TBC1D19: variants seen among roughly 807,000 people sequenced by gnomAD.
The protein encoded by TBC1D19 is TBC1 domain family member 19.
In TBC1D19, 60 loss-of-function variants were observed where a neutral mutation model predicts 89.0. The observed-to-expected ratio is 0.67, with a 90% CI of 0.55 to 0.84. TBC1D19 has a LOEUF of 0.84. TBC1D19 is among the 40% of genes least tolerant of loss of function. TBC1D19 has a pLI of 0.00. For missense variants in TBC1D19, 500 were observed against 610.8 expected, an observed-to-expected ratio of 0.82 and a Z score of 1.91; for synonymous variants, 189 against 199.7, an observed-to-expected ratio of 0.95 and a Z score of 0.45.
intron 15 of TBC1D19, among the ~76,000 whole-genome samples, chr4:26,730,149 T>TA (rs1717565710): frequency 6.6e-6 from 1 of 152,030 alleles, no homozygotes; most frequent in South Asian, 2.1e-4. Flanking sequence ...AATAAAAGGT[T>TA]AAAAAATGAT....
At chr4:26,617,219 C>G (rs958113834) in intron 3 of TBC1D19, among the ~76,000 whole-genome samples, 12 of 152,178 alleles carry the variant, frequency 7.9e-5, no homozygotes, top group Non-Finnish European at 1.2e-4. Context: ...TTAACCCACC[C>G]TTTTATAATG....
the TBC1D19 span, among the ~76,000 whole-genome samples, chr4:26,828,021 A>T: frequency 2.0e-5 from 3 of 152,164 alleles, no homozygotes; most frequent in Admixed American, 6.5e-5. Flanking sequence ...TAAAGGGTAG[A>T]TGGAAACTGT....
At chr4:26,810,302 G>A in the TBC1D19 span, among the ~76,000 whole-genome samples, 4 of 152,246 alleles carry the variant, frequency 2.6e-5, no homozygotes, top group East Asian at 7.7e-4. Flanking sequence ...ACTTGCACTC[G>A]AATCTTTGTC....
the TBC1D19 span, among the ~76,000 whole-genome samples, chr4:26,817,323 T>G: frequency 6.6e-6 from 1 of 152,102 alleles, no homozygotes; most frequent in South Asian, 2.1e-4. Context: ...AGCTCATACT[T>G]TTACACAGCT....
intron 4 of TBC1D19, among the ~76,000 whole-genome samples, chr4:26,623,160 T>C (rs894772811): frequency 4.6e-5 from 7 of 152,172 alleles, no homozygotes; most frequent in Non-Finnish European, 8.8e-5. Context: ...TGTTCTTCCT[T>C]ACGTTTCATA....
chr4:26,604,148 C>CTTTTTTTT (rs1173641270), intron 1 of TBC1D19, among the ~76,000 whole-genome samples: 27 of 120,724 alleles, frequency 2.2e-4, no homozygotes, highest in African/African-American at 6.2e-4. Flanking sequence ...TTTTCTTTTT[C>CTTTTTTTT]TTTTTTTTTT....
chr4:26,771,141 G>A, the TBC1D19 span, among the ~76,000 whole-genome samples: 1 of 151,598 alleles, frequency 6.6e-6, no homozygotes, highest in African/African-American at 2.4e-5. Flanking sequence ...AAACCACAAT[G>A]AGATGTCACC....
chr4:26,834,182 C>A, the TBC1D19 span, among the ~76,000 whole-genome samples: 4 of 152,164 alleles, frequency 2.6e-5, no homozygotes, highest in Non-Finnish European at 5.9e-5. Flanking sequence ...GAGGCCTCCC[C>A]AGCCATGCTT....
At chr4:26,834,526 A>G in the TBC1D19 span, among the ~76,000 whole-genome samples, 158 of 152,194 alleles carry the variant, frequency 1.0e-3, no homozygotes, top group East Asian at 0.029. Context: ...GACAATCGTC[A>G]ATCTGGGCTG....
At chr4:26,762,139 A>G in the TBC1D19 span, among the ~76,000 whole-genome samples, 1 of 152,100 alleles carries the variant, frequency 6.6e-6, no homozygotes. Context: ...CTGTCTCAAA[A>G]TAAATAAATA....
At chr4:26,579,578 G>T (rs1242216715), upstream of TBC1D19, among the ~76,000 whole-genome samples, 1 of 151,534 alleles carries the variant, frequency 6.6e-6, no homozygotes, top group African/African-American at 2.4e-5. Context: ...GTGCCATTGT[G>T]GTTTGCTGCA....
chr4:26,756,496 G>T (rs4234981), downstream of TBC1D19, among the ~76,000 whole-genome samples: 4 of 151,968 alleles, frequency 2.6e-5, no homozygotes, highest in South Asian at 2.1e-4. Context: ...GGGGAATTTT[G>T]GTCCTCCTGT....
intron 1 of TBC1D19, among the ~76,000 whole-genome samples, chr4:26,596,104 G>A (rs149338413): frequency 0.021 from 3,235 of 152,024 alleles, 110 homozygotes; most frequent in African/African-American, 0.073. Context: ...TTACAGGTGC[G>A]TGCTACCATG....
chr4:26,602,867 C>A (rs545044414), intron 1 of TBC1D19, among the ~76,000 whole-genome samples: 2 of 152,140 alleles, frequency 1.3e-5, no homozygotes, highest in Non-Finnish European at 2.9e-5. Flanking sequence ...CTTGAATACA[C>A]ATCTTTTTAA....
chr4:26,846,823 C>T, the TBC1D19 span, among the ~76,000 whole-genome samples: 1 of 152,204 alleles, frequency 6.6e-6, no homozygotes, highest in African/African-American at 2.4e-5. Flanking sequence ...ACACTGGACA[C>T]TGCCAACCAC....
At chr4:26,818,696 C>T in the TBC1D19 span, among the ~76,000 whole-genome samples, 2 of 152,162 alleles carry the variant, frequency 1.3e-5, no homozygotes, top group African/African-American at 4.8e-5. Flanking sequence ...TTGTCCTGAA[C>T]CTTTTTAGAG....
In TBC1D19 at chr4:26,722,219, C is replaced by A. The variant is rs148021913; in HGVS notation, c.1084+2094C>A. ...ACTTTATATATTACCATTGTTACAT[C>A]TATTATCCCAGAAACTTACTTTTAT... On this transcript the variant is annotated intron_variant, in intron 15 of 20. Transcript: ENST00000264866. Among the ~76,000 whole-genome samples the A allele has an allele frequency of 4.8e-3, 735 of 152,156 alleles. 6 individuals are homozygous for A. Among genetic ancestry groups the A allele is most frequent in the African/African-American group, 0.016 (657 of 41,512 alleles).
the TBC1D19 span, among the ~76,000 whole-genome samples, chr4:26,778,516 T>G: frequency 6.6e-6 from 1 of 152,136 alleles, no homozygotes; most frequent in Non-Finnish European, 1.5e-5. Context: ...TATAATTTAT[T>G]CAAGATTCCA....
At chr4:26,820,928 C>T in the TBC1D19 span, among the ~76,000 whole-genome samples, 1 of 152,164 alleles carries the variant, frequency 6.6e-6, no homozygotes, top group African/African-American at 2.4e-5. Flanking sequence ...TTCTCAGTGC[C>T]CAGAACATCA....
Sources: gnomAD v4.1 joint callset for allele counts (sites outside exome capture counted in the v4.1 genomes callset) on GRCh38, gnomAD v4.1.1 for gene constraint, MANE v1.5 for transcripts, NCBI Gene and HGNC (gene_info 2026-07-23, HGNC 2026-07-21) for gene names.